The following EBF1 variants were observed in gnomAD, a reference collection of about 807,000 sequenced individuals.
EBF1 encodes the protein transcription factor COE1.
EBF1 carries 10 observed loss-of-function variants against 68.4 expected under a neutral mutation model. That is an observed-to-expected ratio of 0.15 (90% CI 0.09 to 0.25). EBF1 has a LOEUF of 0.25. Among genes scored for constraint, EBF1 ranks in the 10% least tolerant of loss-of-function variants. The pLI is 1.00. For synonymous variants in EBF1, 298 were observed against 299.8 expected, an observed-to-expected ratio of 0.99 and a Z score of 0.06; for missense variants, 509 against 794.4, an observed-to-expected ratio of 0.64 and a Z score of 4.32.
At chr5:158,729,164 G>A (rs548079812) in intron 11 of EBF1, among the ~76,000 whole-genome samples, 3 of 152,156 alleles carry the variant, frequency 2.0e-5, no homozygotes, top group South Asian at 2.1e-4. Flanking sequence ...AATAAAACTC[G>A]AAAAGGTACA....
chr5:159,093,847 ATAATT>A (rs1782069929), intron 4 of EBF1, among the ~76,000 whole-genome samples: 1 of 152,038 alleles, frequency 6.6e-6, no homozygotes, highest in Non-Finnish European at 1.5e-5. Context: ...AGTGCTACCT[ATAATT>A]TAATATTTCA....
At chr5:158,788,632 A>G (rs1178069574) in intron 9 of EBF1, among the ~76,000 whole-genome samples, 1 of 152,196 alleles carries the variant, frequency 6.6e-6, no homozygotes, top group Non-Finnish European at 1.5e-5. Flanking sequence ...TCAGCAAGAA[A>G]GGAATACAGC....
chr5:158,948,835 G>A (rs1030037339), intron 6 of EBF1, among the ~76,000 whole-genome samples: 3 of 152,158 alleles, frequency 2.0e-5, no homozygotes, highest in African/African-American at 2.4e-5. Context: ...CGCTTCAGCC[G>A]GACCTTCCTC....
Position 158,731,063 on chromosome 5 carries a change from C to T in EBF1, c.1125+6G>A. ...TTCAGGAATTACAAAAAGGCAGTAT[C>T]CTCACCTTTGGCAAACGCTCAGGGT... On this transcript the variant is annotated splice_donor_region_variant and intron_variant, in intron 11 of 15. Coordinates refer to ENST00000313708, the MANE Select transcript of EBF1 (RefSeq NM_024007.5). The T allele has an allele frequency of 6.2e-7, 1 of 1,613,310 alleles. No individual in the cohort carries two copies. The highest frequency in any genetic ancestry group is 1.3e-5 in the African/African-American group (1 of 75,034).
At chr5:158,819,529 C>A (rs771270791) in intron 8 of EBF1, among the ~76,000 whole-genome samples, 3 of 152,194 alleles carry the variant, frequency 2.0e-5, no homozygotes, top group African/African-American at 2.4e-5. Flanking sequence ...AACAACAATG[C>A]CAATAGCAAC....
At chr5:159,025,953 G>A (rs1767642033) in intron 6 of EBF1, among the ~76,000 whole-genome samples, 2 of 152,130 alleles carry the variant, frequency 1.3e-5, no homozygotes, top group Admixed American at 6.5e-5. Flanking sequence ...ATCTATTTGG[G>A]GATATGTTTG....
chr5:158,937,731 GAGAA>G (rs1458262797), intron 6 of EBF1, among the ~76,000 whole-genome samples: 2 of 152,196 alleles, frequency 1.3e-5, no homozygotes, highest in African/African-American at 4.8e-5. Flanking sequence ...ACAAAGAGCT[GAGAA>G]AGAGAGTGTG....
chr5:159,014,648 A>G (rs1457246107), intron 6 of EBF1, among the ~76,000 whole-genome samples: 1 of 152,220 alleles, frequency 6.6e-6, no homozygotes, highest in East Asian at 1.9e-4. Flanking sequence ...AACATCCTCA[A>G]TGTTTATTTG....
intron 10 of EBF1, among the ~76,000 whole-genome samples, chr5:158,776,608 A>C (rs1050143222): frequency 6.6e-6 from 1 of 152,168 alleles, no homozygotes; most frequent in Non-Finnish European, 1.5e-5. Context: ...TCCAAGGATG[A>C]CTGACACTAA....
intron 6 of EBF1, among the ~76,000 whole-genome samples, chr5:159,019,845 A>G (rs1766326151): frequency 1.3e-5 from 2 of 152,076 alleles, no homozygotes; most frequent in Non-Finnish European, 2.9e-5. Context: ...TGCATCTCTG[A>G]TAAGGATACG....
At chr5:159,061,901 TGAGGA>T (rs1342608583) in intron 6 of EBF1, among the ~76,000 whole-genome samples, 2 of 152,196 alleles carry the variant, frequency 1.3e-5, no homozygotes, top group Non-Finnish European at 2.9e-5. Context: ...CTTTCAATCT[TGAGGA>T]GAGCTTATTC....
chr5:158,961,683 C>T (rs1818211559), intron 6 of EBF1, among the ~76,000 whole-genome samples: 1 of 152,058 alleles, frequency 6.6e-6, no homozygotes, highest in Non-Finnish European at 1.5e-5. Context: ...AAATTCTCTA[C>T]AGAGAATGTA....
chr5:158,946,539 C>T (rs987800396), intron 6 of EBF1, among the ~76,000 whole-genome samples: 3 of 152,324 alleles, frequency 2.0e-5, no homozygotes, highest in Non-Finnish European at 4.4e-5. Flanking sequence ...AAGACTGCTG[C>T]CTGTTCCTTC....
At chr5:158,975,212 C>T (rs1756481505) in intron 6 of EBF1, among the ~76,000 whole-genome samples, 2 of 152,178 alleles carry the variant, frequency 1.3e-5, no homozygotes, top group African/African-American at 2.4e-5. Context: ...TTAATGATCT[C>T]ACATTAAAAC....
chr5:158,712,043 G>A (rs535399755), intron 14 of EBF1, 111 bp downstream of exon 14: 20 of 1,325,082 alleles, frequency 1.5e-5, no homozygotes, highest in Non-Finnish European at 1.8e-5. Flanking sequence ...CTTACAGGAG[G>A]GAAAGATGGG....
At chr5:158,992,186 G>A (rs1275144689) in intron 6 of EBF1, among the ~76,000 whole-genome samples, 1 of 149,240 alleles carries the variant, frequency 6.7e-6, no homozygotes, top group Non-Finnish European at 1.5e-5. Context: ...TTTCCTCAAC[G>A]TTTGCCTTCC....
chr5:158,877,233 C>A (rs1057444122), intron 6 of EBF1, among the ~76,000 whole-genome samples: 1 of 152,138 alleles, frequency 6.6e-6, no homozygotes, highest in Non-Finnish European at 1.5e-5. Flanking sequence ...GACTCTTGCC[C>A]CTATTCTTTT....
At chr5:158,727,360 C>A in intron 11 of EBF1, among the ~76,000 whole-genome samples, 1 of 152,298 alleles carries the variant, frequency 6.6e-6, no homozygotes, top group Admixed American at 6.5e-5. Flanking sequence ...TGACCTTGAA[C>A]ACAGAGAGCG....
At chr5:158,748,836 C>A (rs1201053766) in intron 10 of EBF1, among the ~76,000 whole-genome samples, 1 of 152,118 alleles carries the variant, frequency 6.6e-6, no homozygotes, top group Non-Finnish European at 1.5e-5. Context: ...AATGTGCCTA[C>A]TGAGGGAAGA....
Sources: allele counts gnomAD v4.1 joint callset (sites outside exome capture counted in the v4.1 genomes callset), GRCh38; gene constraint gnomAD v4.1.1; transcripts MANE v1.5; gene names NCBI Gene and HGNC (gene_info 2026-07-23, HGNC 2026-07-21).